The following ERC2 variants were observed in gnomAD, a reference collection of about 807,000 sequenced individuals.
The protein encoded by ERC2 is ELKS/RAB6-interacting/CAST family member 2, also known as ERC protein 2.
ERC2 carries 42 observed loss-of-function variants against 114.8 expected under a neutral mutation model. The ratio of observed to expected loss-of-function variants is 0.37; its 90% confidence interval spans 0.29 to 0.47. The LOEUF is 0.47. Among genes scored for constraint, ERC2 ranks in the 20% least tolerant of loss-of-function variants. The pLI is 0.99. For missense variants in ERC2, 939 were observed against 1,150.7 expected (o/e 0.82, Z 2.66); for synonymous variants, 454 against 425.5 (o/e 1.07, Z -0.82).
chr3:55,816,697 C>T (rs2059914947), intron 14 of ERC2, among the ~76,000 whole-genome samples: 1 of 152,002 alleles, frequency 6.6e-6, no homozygotes, highest in Admixed American at 6.6e-5. Flanking sequence ...GATTGCAAAA[C>T]AGGAGTTTTT....
chr3:56,243,163 C>T (rs1259679365), intron 3 of ERC2, among the ~76,000 whole-genome samples: 1 of 152,088 alleles, frequency 6.6e-6, no homozygotes, highest in Non-Finnish European at 1.5e-5. Context: ...CAATATATAA[C>T]AAAGAAGCTT....
At chr3:56,013,120 A>T (rs1266753006) in intron 8 of ERC2, among the ~76,000 whole-genome samples, 1 of 152,216 alleles carries the variant, frequency 6.6e-6, no homozygotes, top group Non-Finnish European at 1.5e-5. Flanking sequence ...CCTAGAACCA[A>T]GTCATATTCA....
At chr3:56,165,038 A>G (rs1429957659) in intron 4 of ERC2, among the ~76,000 whole-genome samples, 1 of 152,004 alleles carries the variant, frequency 6.6e-6, no homozygotes, top group Admixed American at 6.6e-5. Flanking sequence ...GACTTTCAAA[A>G]TGATGAATTG....
intron 17 of ERC2, chr3:55,659,184 T>C (rs2061009364): frequency 6.6e-6 from 1 of 152,194 alleles, no homozygotes; most frequent in South Asian, 2.1e-4. Context: ...CTGAGATGCC[T>C]ATCCTCAGAG....
At chr3:56,322,709 G>A (rs1300216299) in intron 2 of ERC2, among the ~76,000 whole-genome samples, 2 of 151,576 alleles carry the variant, frequency 1.3e-5, no homozygotes, top group Admixed American at 6.6e-5. Flanking sequence ...AGGAGGGGAA[G>A]CCCAGGCGAA....
intron 3 of ERC2, among the ~76,000 whole-genome samples, chr3:56,239,499 C>T (rs577649289): frequency 6.8e-4 from 103 of 152,140 alleles, no homozygotes; most frequent in African/African-American, 2.5e-3. Flanking sequence ...GAGTGAGTCT[C>T]TGTCTGAAAA....
chr3:55,561,949 A>G (rs73830649), intron 17 of ERC2, among the ~76,000 whole-genome samples: 1,802 of 152,296 alleles, frequency 0.012, 35 homozygotes, highest in African/African-American at 0.041. Context: ...GTAGAATGCT[A>G]GCCTGGAGTT....
intron 14 of ERC2, among the ~76,000 whole-genome samples, chr3:55,782,444 C>G (rs1044283086): frequency 3.3e-5 from 5 of 152,182 alleles, no homozygotes; most frequent in Non-Finnish European, 7.4e-5. Flanking sequence ...CATTTCTTTG[C>G]CTTGAATCAG....
chr3:55,515,792 T>C (rs1221686540), intron 17 of ERC2, among the ~76,000 whole-genome samples: 3 of 152,002 alleles, frequency 2.0e-5, no homozygotes, highest in Non-Finnish European at 2.9e-5. Flanking sequence ...GTGTGGTGTC[T>C]CACAAATATT....
intron 17 of ERC2, among the ~76,000 whole-genome samples, chr3:55,524,855 G>T (rs1162414103): frequency 6.6e-6 from 1 of 152,164 alleles, no homozygotes; most frequent in East Asian, 1.9e-4. Context: ...ATGCACAAAA[G>T]CTACATGTGC....
chr3:55,615,253 C>T (rs2148579977), intron 17 of ERC2, among the ~76,000 whole-genome samples: 1 of 152,100 alleles, frequency 6.6e-6, no homozygotes, highest in East Asian at 1.9e-4. Context: ...AATAAAATAC[C>T]CAGAGCCTGT....
At chr3:56,070,996 A>G (rs1469306953) in intron 7 of ERC2, among the ~76,000 whole-genome samples, 2 of 152,122 alleles carry the variant, frequency 1.3e-5, no homozygotes, top group African/African-American at 4.8e-5. Context: ...TGGCTAGGTG[A>G]GGTGCCCCTC....
intron 14 of ERC2, among the ~76,000 whole-genome samples, chr3:55,782,486 C>T (rs1034663584): frequency 1.3e-5 from 2 of 152,170 alleles, no homozygotes; most frequent in African/African-American, 4.8e-5. Flanking sequence ...GGGCAGGCTG[C>T]CATCACCTTA....
At chr3:55,885,948 A>G (rs2063332311) in intron 14 of ERC2, among the ~76,000 whole-genome samples, 1 of 152,224 alleles carries the variant, frequency 6.6e-6, no homozygotes, top group South Asian at 2.1e-4. Flanking sequence ...ACAAACCAGC[A>G]TATTTCACCA....
At chr3:56,400,643 T>C (rs1433230627) in intron 2 of ERC2, among the ~76,000 whole-genome samples, 2 of 152,186 alleles carry the variant, frequency 1.3e-5, no homozygotes, top group Non-Finnish European at 2.9e-5. Flanking sequence ...TTAATTTTCC[T>C]ACAAATCTGC....
chr3:55,616,593 A>G (rs2059130123), intron 17 of ERC2, among the ~76,000 whole-genome samples: 1 of 151,894 alleles, frequency 6.6e-6, no homozygotes, highest in Non-Finnish European at 1.5e-5. Flanking sequence ...TTAGACAAAT[A>G]AAGCACATTT....
chr3:56,258,586 G>A (rs986260408), intron 3 of ERC2, among the ~76,000 whole-genome samples: 18 of 152,196 alleles, frequency 1.2e-4, no homozygotes, highest in South Asian at 2.1e-4. Context: ...CCCGGGAGGC[G>A]GAGCTTGTAG....
intron 14 of ERC2, among the ~76,000 whole-genome samples, chr3:55,745,738 A>T (rs960336397): frequency 6.6e-6 from 1 of 152,224 alleles, no homozygotes; most frequent in Non-Finnish European, 1.5e-5. Context: ...CCTATTGTCC[A>T]TGGGTGATCA....
intron 13 of ERC2, among the ~76,000 whole-genome samples, chr3:55,945,926 A>T (rs1032150964): frequency 2.0e-5 from 3 of 152,150 alleles, no homozygotes; most frequent in Non-Finnish European, 4.4e-5. Flanking sequence ...AGCACAAAAC[A>T]TTGGCTTGTA....
Sources: gnomAD v4.1 joint callset for allele counts (sites outside exome capture counted in the v4.1 genomes callset) on GRCh38, gnomAD v4.1.1 for gene constraint, MANE v1.5 for transcripts, NCBI Gene and HGNC (gene_info 2026-07-23, HGNC 2026-07-21) for gene names.